The following ADAMTS2 variants were observed in gnomAD, a reference collection of about 807,000 sequenced individuals.
The protein encoded by ADAMTS2 is A disintegrin and metalloproteinase with thrombospondin motifs 2.
ADAMTS2 carries 50 observed loss-of-function variants against 123.0 expected under a neutral mutation model. That is an observed-to-expected ratio of 0.41 (90% confidence interval 0.32 to 0.51). The LOEUF (loss-of-function observed/expected upper bound fraction) is 0.51. Ranked by LOEUF, ADAMTS2 falls within the 20% of genes least tolerant of loss-of-function variation. The pLI is 0.35. For synonymous variants in ADAMTS2, 678 were observed against 695.4 expected (o/e 0.98, Z 0.39); for missense variants, 1,494 against 1,705.2 (o/e 0.88, Z 2.18).
chr5:179,173,959 G>A (rs1186748787), intron 5 of ADAMTS2, among the ~76,000 whole-genome samples: 9 of 150,180 alleles, frequency 6.0e-5, no homozygotes, highest in Non-Finnish European at 1.0e-4. Flanking sequence ...GTTGCAGTGA[G>A]CTGAGGTCGC....
intron 3 of ADAMTS2, among the ~76,000 whole-genome samples, chr5:179,253,066 C>T (rs572382818): frequency 9.8e-5 from 15 of 152,316 alleles, no homozygotes; most frequent in East Asian, 1.9e-4. Flanking sequence ...ACAGCAATGT[C>T]GGCTTGCCTT....
In ADAMTS2 at chr5:179,308,398, C is replaced by T. The variant is rs1057121544; in HGVS notation, c.535-35334G>A. On this transcript the variant is annotated intron_variant, in intron 2 of 21. Transcript: ENST00000251582. This position sits in a 1 kb window ranked among gnomAD's most constrained non-coding sequence, Gnocchi z 6.6. ...AAATGCCAGCTGGAAAGGTCACGCACGCCAGCTGGAAGGGGAGCCGCGCAG... is the reference window on the plus strand; with the variant it reads ...AAATGCCAGCTGGAAAGGTCACGCATGCCAGCTGGAAGGGGAGCCGCGCAG... Among the ~76,000 whole-genome samples the T allele has an allele frequency of 1.3e-5, 2 of 152,154 alleles. No individual in the cohort carries two copies. Among genetic ancestry groups the T allele is most frequent in the African/African-American group, 2.4e-5 (1 of 41,428 alleles).
chr5:179,309,690 G>A (rs180687409), intron 2 of ADAMTS2, among the ~76,000 whole-genome samples: 3 of 150,578 alleles, frequency 2.0e-5, no homozygotes, highest in African/African-American at 4.9e-5. Context: ...CCTGGGAGGC[G>A]GAGTTGCAGT....
rs1445693953 is a variant in ADAMTS2, at chr5:179,158,801, G to A, written c.1054C>T (p.Pro352Ser). 2 of 1,614,132 alleles carry A rather than the reference G, an allele frequency of 1.2e-6. No homozygotes were observed. Among genetic ancestry groups the A allele is most frequent in the Middle Eastern group, 1.6e-4 (1 of 6,084 alleles). Residue 352 changes from proline to serine, a missense_variant, in exon 6 of 22, where the codon CCA (proline) becomes TCA (serine). By Grantham distance (74) the Pro-to-Ser change is moderately conservative. Around this residue, in one of 6 missense-constraint regions of ADAMTS2, gnomAD observed 70 missense variants for 85.3 expected, o/e 0.82. Coordinates refer to ENST00000251582, the MANE Select transcript of ADAMTS2 (RefSeq NM_014244.5). The surrounding 1 kb of genome is among the most constrained non-coding windows in gnomAD (Gnocchi z 5.0). ...TGGTATTCATCGTGGCCCGTGTCTG[G>A]CTTCTGCTGGAGGTAGGCCCAGCGG... ...VCRWAYLQQK[P>S]DTGHDEYHDH...
chr5:179,201,499 A>C (rs1446857468), intron 4 of ADAMTS2, among the ~76,000 whole-genome samples: 1 of 152,130 alleles, frequency 6.6e-6, no homozygotes, highest in Non-Finnish European at 1.5e-5. Flanking sequence ...CATAGCAAAA[A>C]AAATGTCCCG....
chr5:179,190,524 A>T (rs958650743), intron 4 of ADAMTS2, among the ~76,000 whole-genome samples: 1 of 152,210 alleles, frequency 6.6e-6, no homozygotes, highest in Non-Finnish European at 1.5e-5. Flanking sequence ...AGAGTGCCCA[A>T]GGGGGTTCAG....
intron 12 of ADAMTS2, among the ~76,000 whole-genome samples, chr5:179,137,560 C>A (rs1396033706): frequency 6.6e-6 from 1 of 152,260 alleles, no homozygotes; most frequent in African/African-American, 2.4e-5. Flanking sequence ...CTGGGGTGTT[C>A]TGGTGCTCTG....
chr5:179,315,952 A>G (rs1231127459), intron 2 of ADAMTS2, among the ~76,000 whole-genome samples: 1 of 152,226 alleles, frequency 6.6e-6, no homozygotes, highest in Non-Finnish European at 1.5e-5. Flanking sequence ...AATATTTCAA[A>G]AAACAAAATT....
Position 179,303,744 on chromosome 5 carries a change from G to A in ADAMTS2, c.535-30680C>T, listed in dbSNP as rs1368354962. On this transcript the variant is annotated intron_variant, in intron 2 of 21. Coordinates refer to ENST00000251582, the MANE Select transcript of ADAMTS2 (RefSeq NM_014244.5). This position sits in a 1 kb window ranked among gnomAD's most constrained non-coding sequence, Gnocchi z 4.7. ...GGAGCCTGGCTGTGTAGCTGGAAGT[G>A]CTGTGGTCCTAGAAAGGTGGAGTGA... 2.0e-5 allele frequency among the ~76,000 whole-genome samples: 3 copies of A among 152,228 alleles called. No individual in the cohort carries two copies. The highest frequency in any genetic ancestry group is 2.0e-4 in the Admixed American group (3 of 15,284).
At chr5:179,123,842 T>G (rs974432034) in intron 19 of ADAMTS2, among the ~76,000 whole-genome samples, 1 of 152,230 alleles carries the variant, frequency 6.6e-6, no homozygotes, top group African/African-American at 2.4e-5. Context: ...CCAGTACCAG[T>G]TGGTCTGGGT....
intron 3 of ADAMTS2, among the ~76,000 whole-genome samples, chr5:179,263,064 C>G (rs1198443859): frequency 6.8e-6 from 1 of 147,408 alleles, no homozygotes; most frequent in African/African-American, 2.6e-5. Flanking sequence ...ATTTGGGGAG[C>G]AGCATTATTC....
intron 2 of ADAMTS2, among the ~76,000 whole-genome samples, chr5:179,319,673 C>T (rs1292093976): frequency 6.6e-6 from 1 of 151,882 alleles, no homozygotes; most frequent in Non-Finnish European, 1.5e-5. Context: ...CTCATCCTAC[C>T]CCTCCCAGCC....
chr5:179,232,106 G>C lies in ADAMTS2; in HGVS notation c.689-24391C>G, dbSNP rs149009857. Among the ~76,000 whole-genome samples, 33 of 152,202 alleles carry C rather than the reference G, an allele frequency of 2.2e-4. No individual in the cohort carries two copies. In the East Asian group the frequency reaches 6.4e-3, roughly 29 times the overall value. ...GAGTGCATCTTTTTAAAGTAAAATCGATGCTCCAGGAAGATATTCCACGTT... is the reference window on the plus strand; with the variant it reads ...GAGTGCATCTTTTTAAAGTAAAATCCATGCTCCAGGAAGATATTCCACGTT... On this transcript the variant is annotated intron_variant, in intron 3 of 21. Coordinates refer to ENST00000251582, the MANE Select transcript of ADAMTS2 (RefSeq NM_014244.5).
intron 4 of ADAMTS2, among the ~76,000 whole-genome samples, chr5:179,182,773 C>T (rs572284791): frequency 3.9e-5 from 6 of 152,170 alleles, no homozygotes; most frequent in African/African-American, 7.2e-5. Flanking sequence ...ATCAGACCCA[C>T]GGGAGCGTGG....
At chr5:179,265,489 G>T (rs1013244537) in intron 3 of ADAMTS2, among the ~76,000 whole-genome samples, 1 of 152,144 alleles carries the variant, frequency 6.6e-6, no homozygotes, top group Non-Finnish European at 1.5e-5. Flanking sequence ...GAATAAGGGG[G>T]GCCCAGCCCT....
At chr5:179,302,178 A>T (rs1756542628) in intron 2 of ADAMTS2, among the ~76,000 whole-genome samples, 1 of 152,048 alleles carries the variant, frequency 6.6e-6, no homozygotes, top group Non-Finnish European at 1.5e-5. Flanking sequence ...GACGGGGGTG[A>T]TGGCCGGGTG....
At chr5:179,194,414 G>A (rs1430902246) in intron 4 of ADAMTS2, among the ~76,000 whole-genome samples, 1 of 152,198 alleles carries the variant, frequency 6.6e-6, no homozygotes, top group African/African-American at 2.4e-5. Context: ...CTAAGGGAGT[G>A]AGTGGGCAGG....
chr5:179,214,029 G>A (rs1254278678), intron 3 of ADAMTS2, among the ~76,000 whole-genome samples: 1 of 152,134 alleles, frequency 6.6e-6, no homozygotes, highest in Non-Finnish European at 1.5e-5. Context: ...GCACACACGG[G>A]AGAAGTTCCA....
In ADAMTS2 at chr5:179,206,148, G is replaced by A. The variant is rs182762182; in HGVS notation, c.891+1365C>T. Among the ~76,000 whole-genome samples the A allele has an allele frequency of 2.2e-3, 341 of 152,338 alleles. 1 individual carries two copies. Among genetic ancestry groups the A allele is most frequent in the South Asian group, 2.7e-3 (13 of 4,824 alleles). ...TCTCCCAAATAAAACGAATTCTGCC[G>A]ATGCAGCGGACTTCGGCCCCCTGTA... On this transcript the variant is annotated intron_variant, in intron 4 of 21. Coordinates refer to ENST00000251582, the MANE Select transcript of ADAMTS2 (RefSeq NM_014244.5).
Sources: gnomAD v4.1 joint callset for allele counts (sites outside exome capture counted in the v4.1 genomes callset) on GRCh38, gnomAD v4.1.1 for gene constraint, gnomAD v4.1.1 regional missense constraint, Gnocchi (gnomAD v3.1) non-coding constraint, MANE v1.5 for transcripts, NCBI Gene and HGNC (gene_info 2026-07-23, HGNC 2026-07-21) for gene names.